The following SARNP variants were observed in gnomAD, a reference collection of about 807,000 sequenced individuals.
The protein encoded by SARNP is SAP domain-containing ribonucleoprotein.
Under a neutral mutation model 38.1 loss-of-function variants are expected in SARNP, and 5 were observed. The observed-to-expected ratio is 0.13, with a 90% CI of 0.07 to 0.28. The LOEUF (loss-of-function observed/expected upper bound fraction) is 0.28. SARNP is among the 10% of genes least tolerant of loss of function. SARNP has a pLI of 1.00. For missense variants in SARNP, 180 were observed against 243.9 expected (o/e 0.74, Z 1.75); for synonymous variants, 84 against 80.6 (o/e 1.04, Z -0.23).
chr12:55,783,165 A>C (rs1879388494), intron 9 of SARNP, among the ~76,000 whole-genome samples: 1 of 152,102 alleles, frequency 6.6e-6, no homozygotes, highest in African/African-American at 2.4e-5. Context: ...CACCAACGGC[A>C]CTGACCCAAA....
intron 9 of SARNP, among the ~76,000 whole-genome samples, chr12:55,788,342 G>A (rs549652284): frequency 6.7e-6 from 1 of 149,064 alleles, no homozygotes; most frequent in Admixed American, 6.6e-5. Flanking sequence ...TTTTTTTTTT[G>A]TTCCACCAAT....
intron 9 of SARNP, among the ~76,000 whole-genome samples, chr12:55,773,485 C>T (rs1325992158): frequency 5.9e-5 from 9 of 152,156 alleles, no homozygotes; most frequent in Admixed American, 2.0e-4. Flanking sequence ...AGGTAGCACA[C>T]CTGTCTTATT....
intron 9 of SARNP, among the ~76,000 whole-genome samples, chr12:55,787,355 C>A (rs1879530176): frequency 6.6e-6 from 1 of 151,812 alleles, no homozygotes; most frequent in Admixed American, 6.6e-5. Flanking sequence ...TTTTCCCAAG[C>A]AAAATATATA....
At chr12:55,780,494 A>G (rs752988924) in intron 9 of SARNP, among the ~76,000 whole-genome samples, 65 of 150,548 alleles carry the variant, frequency 4.3e-4, no homozygotes, top group South Asian at 8.3e-4. Flanking sequence ...GAGAAGAGAA[A>G]AGAAAAGAAA....
chr12:55,770,266 C>T (rs1348029723), intron 9 of SARNP, among the ~76,000 whole-genome samples: 1 of 150,578 alleles, frequency 6.6e-6, no homozygotes, highest in African/African-American at 2.4e-5. Flanking sequence ...CGCTCTGTCG[C>T]CCAGGCTGGA....
chr12:55,779,315 T>C (rs1235018026), intron 9 of SARNP, among the ~76,000 whole-genome samples: 2 of 152,220 alleles, frequency 1.3e-5, no homozygotes, highest in East Asian at 3.9e-4. Context: ...TGAGGGAGCC[T>C]ACGTTGAGTT....
chr12:55,787,728 G>C (rs1253171331), intron 9 of SARNP, among the ~76,000 whole-genome samples: 1 of 150,504 alleles, frequency 6.6e-6, no homozygotes, highest in Admixed American at 6.6e-5. Flanking sequence ...GGTGGTGCTC[G>C]ACTGATTTTT....
At chr12:55,806,128 G>T (rs1880133495) in intron 1 of SARNP, among the ~76,000 whole-genome samples, 1 of 151,462 alleles carries the variant, frequency 6.6e-6, no homozygotes, top group Non-Finnish European at 1.5e-5. Flanking sequence ...TCTGAAGCCA[G>T]ACTACTTAGG....
chr12:55,769,089 T>C (rs1274741918), intron 9 of SARNP, among the ~76,000 whole-genome samples: 1 of 152,146 alleles, frequency 6.6e-6, no homozygotes, highest in Non-Finnish European at 1.5e-5. Context: ...ACCCTAATAA[T>C]TAACGACTAA....
intron 1 of SARNP, among the ~76,000 whole-genome samples, chr12:55,814,020 T>C (rs183093941): frequency 6.6e-6 from 1 of 152,356 alleles, no homozygotes; most frequent in Non-Finnish European, 1.5e-5. Context: ...AACAGTGCTT[T>C]GCCACATAAC....
At chr12:55,776,624 G>T (rs530448131) in intron 9 of SARNP, among the ~76,000 whole-genome samples, 1 of 152,060 alleles carries the variant, frequency 6.6e-6, no homozygotes. Context: ...GATACAGAGG[G>T]CTGAGTATAC....
chr12:55,811,011 A>C lies in SARNP; in HGVS notation c.36+6655T>G, dbSNP rs368880473. On this transcript the variant is annotated intron_variant, in intron 1 of 10. Transcript: ENST00000336133. ...AGAAGGGCTTGAGCCCGGGAGGCAG[A>C]GGTTGCAGTGAGCCAAGCCAAGACC... Among the ~76,000 whole-genome samples the C allele has an allele frequency of 4.2e-4, 64 of 151,792 alleles. No individual in the cohort carries two copies. In the South Asian group the frequency reaches 0.013, roughly 31 times the overall value.
chr12:55,786,381 G>A (rs540330983), intron 9 of SARNP, among the ~76,000 whole-genome samples: 2 of 152,168 alleles, frequency 1.3e-5, no homozygotes, highest in African/African-American at 4.8e-5. Flanking sequence ...AACTAGGGCC[G>A]CAGAACCAAG....
chr12:55,813,622 G>A (rs1291081794), intron 1 of SARNP, among the ~76,000 whole-genome samples: 1 of 134,548 alleles, frequency 7.4e-6, no homozygotes, highest in Non-Finnish European at 1.5e-5. Flanking sequence ...TCGGCTCACC[G>A]CAACCTCCAC....
At chr12:55,763,681 G>A (rs1724949838) in intron 9 of SARNP, among the ~76,000 whole-genome samples, 1 of 151,970 alleles carries the variant, frequency 6.6e-6, no homozygotes, top group Non-Finnish European at 1.5e-5. Flanking sequence ...TTGAACTCCT[G>A]GGCTCAATCA....
intron 1 of SARNP, among the ~76,000 whole-genome samples, chr12:55,807,597 T>TA (rs1480793964): frequency 8.4e-5 from 12 of 143,620 alleles, no homozygotes; most frequent in Admixed American, 7.2e-5. Flanking sequence ...GGTCAGGAGA[T>TA]AGAGACCATC....
intron 1 of SARNP, among the ~76,000 whole-genome samples, chr12:55,811,788 C>A (rs1489710434): frequency 6.6e-6 from 1 of 152,198 alleles, no homozygotes; most frequent in Non-Finnish European, 1.5e-5. Flanking sequence ...GGCGTCTTGT[C>A]ATTCCACATA....
intron 9 of SARNP, among the ~76,000 whole-genome samples, chr12:55,786,472 T>C (rs1879498794): frequency 6.7e-6 from 1 of 149,378 alleles, no homozygotes; most frequent in Admixed American, 6.8e-5. Context: ...TTGTTTGAGA[T>C]GGAGTCTCAC....
chr12:55,789,305 G>C (rs892309597), intron 8 of SARNP, among the ~76,000 whole-genome samples, 162 bp from the exon 9 acceptor site: 1 of 152,112 alleles, frequency 6.6e-6, no homozygotes, highest in Non-Finnish European at 1.5e-5. Flanking sequence ...CCAGTCCACT[G>C]ATTATGGCCT....
Sources: allele counts gnomAD v4.1 joint callset (sites outside exome capture counted in the v4.1 genomes callset), GRCh38; gene constraint gnomAD v4.1.1; transcripts MANE v1.5; gene names NCBI Gene and HGNC (gene_info 2026-07-23, HGNC 2026-07-21).